Variants in PRKN observed in about 807,000 individuals in gnomAD.
The protein encoded by PRKN is E3 ubiquitin-protein ligase parkin.
In PRKN, 56 loss-of-function variants were observed where a neutral mutation model predicts 59.5. That is an observed-to-expected ratio of 0.94 (90% CI 0.76 to 1.18). PRKN has a LOEUF of 1.18. Among genes scored for constraint, PRKN ranks in the 50% most tolerant of loss-of-function variants. The probability of loss-of-function intolerance (pLI) is 0.00; values close to 1 mark genes in which losing one functional copy is unlikely to be tolerated. For synonymous variants in PRKN, 250 were observed against 222.1 expected (o/e 1.13, Z -1.12); for missense variants, 657 against 596.4 (o/e 1.10, Z -1.06).
At chr6:162,055,541 G>A (rs1777820457) in intron 4 of PRKN, among the ~76,000 whole-genome samples, 1 of 152,138 alleles carries the variant, frequency 6.6e-6, no homozygotes, top group Non-Finnish European at 1.5e-5. Context: ...GGTGGCCACG[G>A]GAGGGGCGGA....
chr6:162,443,621 T>C, intron 1 of PRKN, 148 bp from the exon 2 acceptor site: 1 of 764,296 alleles, frequency 1.3e-6, no homozygotes, highest in Non-Finnish European at 2.3e-6. Context: ...AAAAACTTAA[T>C]GCTATAGAGC....
chr6:162,118,291 G>A (rs1780760620), intron 4 of PRKN, among the ~76,000 whole-genome samples: 1 of 151,928 alleles, frequency 6.6e-6, no homozygotes, highest in African/African-American at 2.4e-5. Context: ...AGTTGTCCCA[G>A]CTACTTGGGA....
chr6:161,435,078 C>G (rs1444193954), intron 9 of PRKN, among the ~76,000 whole-genome samples: 1 of 152,026 alleles, frequency 6.6e-6, no homozygotes, highest in Non-Finnish European at 1.5e-5. Flanking sequence ...CCACTGGTAA[C>G]TAGGTTAATG....
At chr6:161,368,289 A>ATATATATTTGTG (rs57862936) in intron 10 of PRKN, among the ~76,000 whole-genome samples, 9,811 of 87,256 alleles carry the variant, frequency 0.11, 1,352 homozygotes, top group African/African-American at 0.35. Flanking sequence ...GTATATATTT[A>ATATATATTTGTG]TATATATTTA....
intron 5 of PRKN, among the ~76,000 whole-genome samples, chr6:161,975,976 G>A (rs7752386): frequency 0.08 from 12,215 of 152,082 alleles, 575 homozygotes; most frequent in Middle Eastern, 0.11. Flanking sequence ...TGCAGTCTTG[G>A]CTCACTGCAA....
chr6:161,963,310 C>T (rs529752605), intron 6 of PRKN, among the ~76,000 whole-genome samples: 3 of 152,334 alleles, frequency 2.0e-5, no homozygotes, highest in East Asian at 1.9e-4. Context: ...GGGGTTGCTG[C>T]GCACCTGCGG....
chr6:162,411,677 T>C (rs920409388), intron 2 of PRKN, among the ~76,000 whole-genome samples: 5 of 152,214 alleles, frequency 3.3e-5, no homozygotes, highest in African/African-American at 1.2e-4. Context: ...CAGGTTTTTC[T>C]TTGAATATAG....
rs1779866845 is a variant in PRKN, at chr6:161,548,316, T to G, written c.1083+538A>C. Reference sequence around the variant, plus strand: ...GTTTGACCTCTTAGAACAAACATTTTCCACATTTCTTATTCTGCTTCCATA... The same window carrying G: ...GTTTGACCTCTTAGAACAAACATTTGCCACATTTCTTATTCTGCTTCCATA... On this transcript the variant is annotated intron_variant, in intron 9 of 11. Transcript: ENST00000366898. This position sits in a 1 kb window ranked among gnomAD's most constrained non-coding sequence, Gnocchi z 4.2. 6.6e-6 allele frequency among the ~76,000 whole-genome samples: 1 copy of G among 152,208 alleles called. No individual in the cohort carries two copies. Among genetic ancestry groups the G allele is most frequent in the African/African-American group, 2.4e-5 (1 of 41,454 alleles).
At chr6:161,950,009 C>T (rs1294719399) in intron 6 of PRKN, among the ~76,000 whole-genome samples, 1 of 152,216 alleles carries the variant, frequency 6.6e-6, no homozygotes, top group Admixed American at 6.5e-5. Context: ...TTACAGGTAA[C>T]TAAAACAGCA....
rs1779074590 is a variant in PRKN, at chr6:161,528,000, C to T, written c.1083+20854G>A. Among the ~76,000 whole-genome samples the T allele has an allele frequency of 6.6e-6, 1 of 152,170 alleles. No individual in the cohort carries two copies. The highest frequency in any genetic ancestry group is 2.1e-4 in the South Asian group (1 of 4,832). On this transcript the variant is annotated intron_variant, in intron 9 of 11. Transcript: ENST00000366898. This position sits in a 1 kb window ranked among gnomAD's most constrained non-coding sequence, Gnocchi z 4.6. ...ACTTAGAGTTAACTTGAATAAATTC[C>T]CCTAATCTGAGATTGAAAAGACAGA...
intron 5 of PRKN, among the ~76,000 whole-genome samples, chr6:162,021,461 A>ATT (rs72433488): frequency 4.1e-4 from 10 of 24,666 alleles, no homozygotes; most frequent in South Asian, 2.4e-3. Flanking sequence ...ATATATATAT[A>ATT]TTTTTTTTTT....
At chr6:162,294,376 CAG>C (rs1781568483) in intron 2 of PRKN, among the ~76,000 whole-genome samples, 4 of 151,780 alleles carry the variant, frequency 2.6e-5, no homozygotes, top group African/African-American at 9.7e-5. Flanking sequence ...GAGAGAGAAG[CAG>C]AGACTCTAAT....
At chr6:162,572,734 G>C (rs747289679) in intron 1 of PRKN, among the ~76,000 whole-genome samples, 3 of 152,080 alleles carry the variant, frequency 2.0e-5, no homozygotes, top group Admixed American at 6.6e-5. Context: ...AAATCAATCA[G>C]GAAATCATGA....
intron 1 of PRKN, among the ~76,000 whole-genome samples, chr6:162,623,121 T>TC (rs1782744716): frequency 6.6e-6 from 1 of 152,190 alleles, no homozygotes; most frequent in Non-Finnish European, 1.5e-5. Flanking sequence ...CTCAACCTCT[T>TC]TTTTTTGGAT....
chr6:162,380,055 A>G (rs905635128), intron 2 of PRKN, among the ~76,000 whole-genome samples: 1 of 152,154 alleles, frequency 6.6e-6, no homozygotes, highest in Non-Finnish European at 1.5e-5. Flanking sequence ...TAAGACACCC[A>G]CTAGTATATT....
intron 9 of PRKN, among the ~76,000 whole-genome samples, chr6:161,517,184 T>A (rs949282845): frequency 8.5e-5 from 13 of 152,170 alleles, no homozygotes; most frequent in Admixed American, 2.0e-4. Flanking sequence ...ACATTTTCAA[T>A]CACGAGTTCA....
At chr6:161,940,377 C>T (rs1179063118) in intron 6 of PRKN, among the ~76,000 whole-genome samples, 5 of 152,094 alleles carry the variant, frequency 3.3e-5, no homozygotes, top group African/African-American at 1.2e-4. Context: ...ATTGAGACCA[C>T]CTGTTAATGG....
chr6:162,222,054 C>A (rs1415142217), intron 3 of PRKN, among the ~76,000 whole-genome samples: 1 of 151,948 alleles, frequency 6.6e-6, no homozygotes, highest in Non-Finnish European at 1.5e-5. Context: ...ACAGGTAAAA[C>A]ATTGGTTTTG....
chr6:161,396,768 C>T lies in PRKN; in HGVS notation c.1084-9891G>A, dbSNP rs1786778950. On this transcript the variant is annotated intron_variant, in intron 9 of 11. Coordinates refer to ENST00000366898, the MANE Select transcript of PRKN (RefSeq NM_004562.3). This position sits in a 1 kb window ranked among gnomAD's most constrained non-coding sequence, Gnocchi z 5.4. ...ATGTGCCTGTGGGTATCCTTATGCT[C>T]TCTAGCACAGCAGGGGAGGCGAAAT... Among the ~76,000 whole-genome samples the T allele has an allele frequency of 1.3e-5, 2 of 152,178 alleles. No homozygotes were observed. The highest frequency in any genetic ancestry group is 4.8e-5 in the African/African-American group (2 of 41,418).
Sources: gnomAD v4.1 joint callset for allele counts (sites outside exome capture counted in the v4.1 genomes callset) on GRCh38, gnomAD v4.1.1 for gene constraint, Gnocchi (gnomAD v3.1) non-coding constraint, MANE v1.5 for transcripts, NCBI Gene and HGNC (gene_info 2026-07-23, HGNC 2026-07-21) for gene names.